TRIM72: variants seen among roughly 807,000 people sequenced by gnomAD.
TRIM72 encodes the protein tripartite motif-containing protein 72.
TRIM72 carries 33 observed loss-of-function variants against 31.6 expected under a neutral mutation model. The ratio of observed to expected loss-of-function variants is 1.04; its 90% confidence interval spans 0.79 to 1.40. TRIM72 has a LOEUF of 1.40. Ranked by LOEUF, TRIM72 falls within the 40% of genes most tolerant of loss-of-function variation. The pLI, the probability that TRIM72 is intolerant of heterozygous loss-of-function variation, is 0.00. For missense variants in TRIM72, 666 were observed against 682.7 expected, an observed-to-expected ratio of 0.98 and a Z score of 0.27; for synonymous variants, 301 against 314.4, an observed-to-expected ratio of 0.96 and a Z score of 0.45.
chr16:31,221,941 T>A (rs1266378132), intron 5 of TRIM72, among the ~76,000 whole-genome samples: 2 of 147,956 alleles, frequency 1.4e-5, no homozygotes, highest in African/African-American at 5.1e-5. Flanking sequence ...AGGGCATTGC[T>A]GGGAGAAGGG....
At position 31,225,192 on chromosome 16, in the gene TRIM72, A is replaced by AGG; in HGVS notation, c.*437_*438insGG. The AGG allele has an allele frequency of 6.8e-6, 1 of 146,694 alleles. No individual in the cohort carries two copies. The highest frequency in any genetic ancestry group is 1.5e-5 in the Non-Finnish European group (1 of 66,532). 9.1% of individuals were successfully genotyped at this position (146,694 alleles called of 1,614,324 possible). ...GTGACAAGAGTGAGACTCTGTCTCA[A>AGG]AAAAAAAAAAAAGTGTGGGGGTTGG... On this transcript the variant is annotated 3_prime_UTR_variant, in exon 7 of 7. Transcript: ENST00000322122.
chr16:31,219,535 C>A lies in TRIM72; in HGVS notation c.717+16C>A, dbSNP rs748167105. 6.9e-6 allele frequency: 11 copies of A among 1,599,370 alleles called. No homozygotes were observed. The highest frequency in any genetic ancestry group is 2.2e-5 in the South Asian group (2 of 89,758). On this transcript the variant is annotated intron_variant, in intron 4 of 6. Coordinates refer to ENST00000322122, the MANE Select transcript of TRIM72 (RefSeq NM_001008274.4). The surrounding 1 kb of genome is among the most constrained non-coding windows in gnomAD (Gnocchi z 4.2). ...GTTCCTCATGGTGAGCACTGGGTGA[C>A]CCCCCTCCCTGCCTCAGCCCCCTGC...
Position 31,230,087 on chromosome 16 carries a change from T to C in TRIM72, c.*5332T>C, listed in dbSNP as rs1350524233. On this transcript the variant is annotated 3_prime_UTR_variant, in exon 7 of 7. Transcript: ENST00000322122. ...TGGGTGAGAGAGTTAAAACAGGAAT[T>C]AAAAGAAATTAAAGAATGTGTAAGC... 1 of 151,890 alleles carries C rather than the reference T, an allele frequency of 6.6e-6. No homozygotes were observed. The highest frequency in any genetic ancestry group is 1.5e-5 in the Non-Finnish European group (1 of 67,972). The allele number at this position is 151,890 out of a possible 1,614,324, so 9.4% of individuals were successfully genotyped here.
At position 31,219,162 on chromosome 16, in the gene TRIM72, TGCTGGAGCATCA is replaced by T. The variant is rs1567493959; in HGVS notation, c.464_475del (p.Glu155_Leu158del). ...ATGCGCAAGGAGAAGAGTGTGGCTG[TGCTGGAGCATCA>T]GCTGGTGGAGGTGGAGGTGAGGACT... is the stretch of plus-strand genomic sequence containing the variant. On this transcript the variant is annotated inframe_deletion, in exon 3 of 7. Transcript: ENST00000322122. The surrounding 1 kb of genome is among the most constrained non-coding windows in gnomAD (Gnocchi z 4.2). The T allele has an allele frequency of 6.2e-7, 1 of 1,610,650 alleles. No homozygotes were observed.
Position 31,225,237 on chromosome 16 carries a change from G to T in TRIM72, c.*482G>T, listed in dbSNP as rs1339187195. ...GGTTGGCATGGCCTGGGGACTGCTG[G>T]TGAGGGGTTGGAGTGACGCTGGGGA... On this transcript the variant is annotated 3_prime_UTR_variant, in exon 7 of 7. Transcript: ENST00000322122. The T allele has an allele frequency of 6.6e-6, 1 of 152,380 alleles. No individual in the cohort carries two copies. Among genetic ancestry groups the T allele is most frequent in the African/African-American group, 2.4e-5 (1 of 41,336 alleles). The allele number at this position is 152,380 out of a possible 1,614,324, so 9.4% of individuals were successfully genotyped here.
chr16:31,229,692 C>A lies in TRIM72; in HGVS notation c.*4937C>A, dbSNP rs973676345. The A allele has an allele frequency of 6.6e-6, 1 of 152,238 alleles. No individual in the cohort carries two copies. The highest frequency in any genetic ancestry group is 2.4e-5 in the African/African-American group (1 of 41,462). The allele number at this position is 152,238 out of a possible 1,614,324, so 9.4% of individuals were successfully genotyped here. A position where few individuals can be genotyped will look rare whatever the true frequency, so the allele number is the denominator to read the frequency against. Reference sequence around the variant, plus strand: ...CTCTCCACGGGAACGCTGGAAACCCCCAGAAACTGGCTGCCAAGACATTTC... The same window carrying A: ...CTCTCCACGGGAACGCTGGAAACCCACAGAAACTGGCTGCCAAGACATTTC... On this transcript the variant is annotated 3_prime_UTR_variant, in exon 7 of 7. Transcript: ENST00000322122.
At chr16:31,218,950 A>G (rs1306754292) in intron 2 of TRIM72, 145 bp from the exon 3 acceptor site, 3 of 687,678 alleles carry the variant, frequency 4.4e-6, no homozygotes, top group Non-Finnish European at 7.6e-6. Flanking sequence ...TGGGGCTGGG[A>G]GGCATGTAAG....
At position 31,214,829 on chromosome 16, in the gene TRIM72, C is replaced by T; in HGVS notation, c.91C>T (p.His31Tyr). 2.6e-6 allele frequency: 4 copies of T among 1,560,342 alleles called. No homozygotes were observed. Among genetic ancestry groups the T allele is most frequent in the Non-Finnish European group, 3.4e-6 (4 of 1,162,974 alleles). ...CGCGCCCGTGACAGCCGAGTGCGGC[C>T]ACAGTTTCTGCCGCGCCTGCCTAGG... The part of the protein sequence containing the change: ...FDAPVTAECG[H>Y]SFCRACLGRV... The change falls in exon 2 of 7, where the codon CAC becomes TAC. Residue 31 changes from histidine (H) to tyrosine (Y), a missense_variant. His to Tyr is a moderately conservative substitution (Grantham distance 83, BLOSUM62 2). Transcript: ENST00000322122.
Position 31,219,619 on chromosome 16 carries a change from C to G in TRIM72, c.717+100C>G. On this transcript the variant is annotated intron_variant, in intron 4 of 6. Transcript: ENST00000322122. This position sits in a 1 kb window ranked among gnomAD's most constrained non-coding sequence, Gnocchi z 4.2. ...AGGCCCAGAGAGGGGCAGGGATAAGCCAGCAGCACACAGCCGGGAGGGGCA... is the reference window on the plus strand; with the variant it reads ...AGGCCCAGAGAGGGGCAGGGATAAGGCAGCAGCACACAGCCGGGAGGGGCA... 8.8e-7 allele frequency: 1 copy of G among 1,140,998 alleles called. No individual in the cohort carries two copies. The highest frequency in any genetic ancestry group is 1.4e-5 in the South Asian group (1 of 70,840). The allele number at this position is 1,140,998 out of a possible 1,614,324, so 70.7% of individuals were successfully genotyped here.
In TRIM72 at chr16:31,227,774, C is replaced by A. The variant is rs1384175603; in HGVS notation, c.*3019C>A. The A allele has an allele frequency of 6.6e-6, 1 of 152,132 alleles. No individual in the cohort carries two copies. The highest frequency in any genetic ancestry group is 1.5e-5 in the Non-Finnish European group (1 of 68,064). 9.4% of individuals were successfully genotyped at this position (152,132 alleles called of 1,614,324 possible). ...CCTCCTGAGTAGATAGGATGGCAGG[C>A]ACCCATCACCATGCCTGACTATTTT... is the stretch of plus-strand genomic sequence containing the variant. On this transcript the variant is annotated 3_prime_UTR_variant, in exon 7 of 7. Transcript: ENST00000322122.
In TRIM72 at chr16:31,219,322, G is replaced by T. The variant is rs756462500; in HGVS notation, c.520G>T (p.Glu174Ter). ...GCGTCAGTTCCGGGGGGCCGTGGGG[G>T]AGCAGCTGGGCAAGATGCGGGTGTT... is the stretch of plus-strand genomic sequence containing the variant. ...TVRQFRGAVG[E>*]QLGKMRVFLA... Residue 174 changes from glutamate (E) to a stop codon, truncating the protein, a stop_gained, in exon 4 of 7, where the codon GAG becomes TAG. Transcript: ENST00000322122. LOFTEE classifies it high-confidence loss of function. This position sits in a 1 kb window ranked among gnomAD's most constrained non-coding sequence, Gnocchi z 4.2. The T allele has an allele frequency of 4.3e-6, 7 of 1,614,056 alleles. No individual in the cohort carries two copies. The highest frequency in any genetic ancestry group is 1.7e-5 in the Admixed American group (1 of 59,998).
intron 6 of TRIM72, 49 bp from the exon 7 acceptor site, chr16:31,224,132 C>T: frequency 6.4e-7 from 1 of 1,573,114 alleles, no homozygotes; most frequent in Non-Finnish European, 8.6e-7. Flanking sequence ...GGGAGAAGAC[C>T]CCAGCGAGGC....
chr16:31,222,374 T>C (rs943286558), intron 5 of TRIM72, among the ~76,000 whole-genome samples: 8 of 130,160 alleles, frequency 6.1e-5, no homozygotes, highest in South Asian at 2.4e-4. Flanking sequence ...GCCTGGGTGA[T>C]AGAGCCAGAC....
Position 31,219,539 on chromosome 16 carries a change from C to T in TRIM72, c.717+20C>T, listed in dbSNP as rs749115699. The T allele has an allele frequency of 3.8e-6, 6 of 1,592,814 alleles. No homozygotes were observed. The Admixed American group carries it at 9.0e-5, about 24-fold the overall frequency. ...CTCATGGTGAGCACTGGGTGACCCC[C>T]CTCCCTGCCTCAGCCCCCTGCTCAG... On this transcript the variant is annotated intron_variant, in intron 4 of 6. Transcript: ENST00000322122. This position sits in a 1 kb window ranked among gnomAD's most constrained non-coding sequence, Gnocchi z 4.2.
rs758879061 is a variant in TRIM72 at position 31,224,246 on chromosome 16, C to G, written c.925C>G (p.Arg309Gly). 6.2e-7 allele frequency: 1 copy of G among 1,604,864 alleles called. No individual in the cohort carries two copies. Among genetic ancestry groups the G allele is most frequent in the African/African-American group, 1.3e-5 (1 of 74,922 alleles). The change falls in exon 7 of 7, where the codon CGC becomes GGC. Residue 309 changes from arginine to glycine, a missense_variant. Arg to Gly is a moderately radical substitution (Grantham distance 125). Transcript: ENST00000322122. ...GAGCCTGGTGGTGTCTTCCTCTGGCCGCCGCGTGGAGTGCTCGGAGCAGAA... is the reference window on the plus strand; with the variant it reads ...GAGCCTGGTGGTGTCTTCCTCTGGCGGCCGCGTGGAGTGCTCGGAGCAGAA... ...HPSLVVSSSG[R>G]RVECSEQKAP...
Position 31,224,521 on chromosome 16 carries a change from G to T in TRIM72, c.1200G>T (p.Pro400=), listed in dbSNP as rs1213546142. 3 of 1,508,548 alleles carry T rather than the reference G, an allele frequency of 2.0e-6. No homozygotes were observed. In the East Asian group the frequency reaches 7.5e-5, roughly 38 times the overall value. The allele number at this position is 1,508,548 out of a possible 1,614,324, so 93.4% of individuals were successfully genotyped here. ...AGGCACACGTGGAGGCCAAGGAGCC[G>T]CGCGCTCTGCGCAGCCCCGAGAGGC... The part of the protein sequence containing the change: ...ILEAHVEAKE[P]RALRSPERRP... Residue 400 remains proline, a synonymous_variant, in exon 7 of 7, where the codon CCG becomes CCT. Transcript: ENST00000322122.
Position 31,219,595 on chromosome 16 carries a change from G to A in TRIM72, c.717+76G>A. On this transcript the variant is annotated intron_variant, in intron 4 of 6. Coordinates refer to ENST00000322122, the MANE Select transcript of TRIM72 (RefSeq NM_001008274.4). The surrounding 1 kb of genome is among the most constrained non-coding windows in gnomAD (Gnocchi z 4.2). ...AGAGACCTCATCCCATTGTCAGATAGGCCCAGAGAGGGGCAGGGATAAGCC... is the reference window on the plus strand; with the variant it reads ...AGAGACCTCATCCCATTGTCAGATAAGCCCAGAGAGGGGCAGGGATAAGCC... The A allele has an allele frequency of 1.5e-6, 2 of 1,343,676 alleles. No homozygotes were observed. The highest frequency in any genetic ancestry group is 2.1e-6 in the Non-Finnish European group (2 of 971,154). The allele number at this position is 1,343,676 out of a possible 1,614,324, so 83.2% of individuals were successfully genotyped here. A position where few individuals can be genotyped will look rare whatever the true frequency, so the allele number is the denominator to read the frequency against.
rs745675282 is a variant in TRIM72 at position 31,215,149 on chromosome 16, G to T, written c.390+21G>T. ...TCAAGGTGCGGGATCCGCGCGCATC[G>T]TGGTCGGAGGGGCTGTTCGGTGGCA... On this transcript the variant is annotated intron_variant, in intron 2 of 6. Transcript: ENST00000322122. This position sits in a 1 kb window ranked among gnomAD's most constrained non-coding sequence, Gnocchi z 6.3. 7.0e-7 allele frequency: 1 copy of T among 1,430,678 alleles called. No individual in the cohort carries two copies. The highest frequency in any genetic ancestry group is 1.5e-5 in the South Asian group (1 of 65,804). The allele number at this position is 1,430,678 out of a possible 1,614,324, so 88.6% of individuals were successfully genotyped here.
At chr16:31,217,217 C>T in intron 2 of TRIM72, 1 of 633,722 alleles carries the variant, frequency 1.6e-6, no homozygotes, top group Non-Finnish European at 2.7e-6. Flanking sequence ...CCCCAGTTTC[C>T]CCTGGGAGAG....
Sources: allele counts gnomAD v4.1 joint callset (sites outside exome capture counted in the v4.1 genomes callset), GRCh38; gene constraint gnomAD v4.1.1; non-coding constraint Gnocchi (gnomAD v3.1); transcripts MANE v1.5; gene names NCBI Gene and HGNC (gene_info 2026-07-23, HGNC 2026-07-21).